MID2: variants seen among roughly 807,000 people sequenced by gnomAD.
MID2 encodes midline 2, also known as probable E3 ubiquitin-protein ligase MID2.
A neutral mutation model predicts 46.1 loss-of-function variants in MID2; 13 were observed. The ratio of observed to expected loss-of-function variants is 0.28; its 90% confidence interval spans 0.18 to 0.45. The LOEUF (loss-of-function observed/expected upper bound fraction) is 0.45. Among genes scored for constraint, MID2 ranks in the 20% least tolerant of loss-of-function variants. The probability of loss-of-function intolerance (pLI) is 1.00; values close to 1 mark genes in which losing one functional copy is unlikely to be tolerated. For missense variants in MID2, 431 were observed against 575.4 expected (o/e 0.75, Z 2.57); for synonymous variants, 199 against 212.3 (o/e 0.94, Z 0.55).
At position 107,904,000 on chromosome X, in the gene MID2, G is replaced by A. The variant is rs780785768; in HGVS notation, c.859G>A (p.Asp287Asn). 3 of 1,210,453 alleles carry A rather than the reference G, an allele frequency of 2.5e-6. No individual in the cohort carries two copies. Among genetic ancestry groups the A allele is most frequent in the Admixed American group, 2.2e-5 (1 of 46,017 alleles). Residue 287 changes from aspartate (D) to asparagine (N), a missense_variant, in exon 4 of 10, where the codon GAC becomes AAC. Asp to Asn is a conservative substitution (Grantham distance 23). Transcript: ENST00000262843. ...MHEAKLMEEC[D>N]ELVEIIQQRK... is the part of the protein sequence containing the mutation. ...TGAGGCAAAACTTATGGAAGAATGTGACGAGTTGGTAGAGATCATCCAGCA... is the reference window on the plus strand; with the variant it reads ...TGAGGCAAAACTTATGGAAGAATGTAACGAGTTGGTAGAGATCATCCAGCA...
intron 2 of MID2, among the ~76,000 whole-genome samples, chrX:107,851,853 CTTTTTATTTATTTATTTATT>C (rs1165345275): frequency 8.6e-5 from 7 of 81,528 alleles, no homozygotes; most frequent in African/African-American, 3.0e-4. Context: ...TTTCTTTATA[CTTTTTATTTATTTATTTATT>C]TATTTATTTA....
At chrX:107,827,948 T>C (rs1210508851) in intron 1 of MID2, among the ~76,000 whole-genome samples, 1 of 112,682 alleles carries the variant, frequency 8.9e-6, no homozygotes, top group Non-Finnish European at 1.9e-5. Context: ...CCAAATCTTA[T>C]GTACAAATGT....
chrX:107,826,507 G>C (rs1930950066), intron 1 of MID2, 77 bp downstream of exon 1: 1 of 1,059,641 alleles, frequency 9.4e-7, no homozygotes, highest in East Asian at 4.0e-5. Flanking sequence ...GGCTCCGGCC[G>C]CTTTTCAGGT....
intron 8 of MID2, among the ~76,000 whole-genome samples, chrX:107,925,469 T>C (rs1194451827): frequency 8.9e-6 from 1 of 112,140 alleles, no homozygotes; most frequent in East Asian, 2.8e-4. Context: ...CAATAAATGT[T>C]TTCTCTGATC....
intron 3 of MID2, among the ~76,000 whole-genome samples, chrX:107,869,988 G>A (rs1474780634): frequency 1.8e-5 from 2 of 111,196 alleles, no homozygotes; most frequent in Non-Finnish European, 3.8e-5. Context: ...TGTTCATAAT[G>A]TTACTGGAAA....
At position 107,838,145 on chromosome X, in the gene MID2, C is replaced by T. The variant is rs1157411374; in HGVS notation, c.5-2525C>T. ...TCTAGGCTTGGATGGTGATATTCAC[C>T]AGACAGGGAAAATCAGAAGAGGAGC... On this transcript the variant is annotated intron_variant, in intron 1 of 9. Coordinates refer to ENST00000262843, the MANE Select transcript of MID2 (RefSeq NM_012216.4). Among the ~76,000 whole-genome samples, 9 of 111,826 alleles carry T rather than the reference C, an allele frequency of 8.0e-5. No homozygotes were observed. In the Admixed American group the frequency reaches 8.5e-4, roughly 11 times the overall value.
chrX:107,832,962 G>A (rs2147821125), intron 1 of MID2, among the ~76,000 whole-genome samples: 1 of 111,271 alleles, frequency 9.0e-6, no homozygotes, highest in African/African-American at 3.3e-5. Context: ...ATTCCCATGG[G>A]ACTCTTCTCC....
At chrX:107,855,102 A>G (rs1481462203) in intron 3 of MID2, among the ~76,000 whole-genome samples, 1 of 110,859 alleles carries the variant, frequency 9.0e-6, no homozygotes, top group Admixed American at 9.6e-5. Context: ...ATTCAGCACA[A>G]TATTGTTTCT....
At chrX:107,924,593 A>G in intron 8 of MID2, 89 bp downstream of exon 8, 1 of 978,749 alleles carries the variant, frequency 1.0e-6, no homozygotes, top group Non-Finnish European at 1.4e-6. Context: ...ACAGCAGTGC[A>G]TGGGGAGCAG....
At chrX:107,890,904 G>T (rs1017449487) in intron 3 of MID2, among the ~76,000 whole-genome samples, 3 of 110,337 alleles carry the variant, frequency 2.7e-5, no homozygotes, top group African/African-American at 9.8e-5. Context: ...TGTGGGATTA[G>T]GTCCCTCTGA....
chrX:107,906,526 ATAACT>A (rs1174375007), intron 5 of MID2, among the ~76,000 whole-genome samples: 2 of 112,376 alleles, frequency 1.8e-5, no homozygotes, highest in African/African-American at 6.5e-5. Flanking sequence ...CACTGAAATC[ATAACT>A]TAAAACATGC....
chrX:107,897,342 A>G (rs1932754649), intron 3 of MID2, among the ~76,000 whole-genome samples: 1 of 111,645 alleles, frequency 9.0e-6, no homozygotes, highest in Non-Finnish European at 1.9e-5. Flanking sequence ...AGATTCCTTA[A>G]CTATGTCTCA....
intron 3 of MID2, among the ~76,000 whole-genome samples, chrX:107,867,095 T>C (rs755418108): frequency 1.8e-5 from 2 of 112,422 alleles, no homozygotes; most frequent in South Asian, 3.7e-4. Context: ...GGGAAGCCAA[T>C]TGAAATTTAG....
rs192619680 is a variant in MID2, at chrX:107,911,310, T to G, written c.1074-4692T>G. Among the ~76,000 whole-genome samples, 410 of 111,818 alleles carry G rather than the reference T, an allele frequency of 3.7e-3. 1 individual carries two copies. The highest frequency in any genetic ancestry group is 4.6e-3 in the Non-Finnish European group (246 of 53,148). ...TCTTCTTTGTTTATGGGACTTTGAT[T>G]AGTGAACTGTTGGACATCCTAGACT... On this transcript the variant is annotated intron_variant, in intron 5 of 9. Transcript: ENST00000262843.
At chrX:107,847,448 C>T (rs1199977395) in intron 2 of MID2, among the ~76,000 whole-genome samples, 4 of 111,283 alleles carry the variant, frequency 3.6e-5, no homozygotes, top group Admixed American at 1.9e-4. Flanking sequence ...AGGACCAAAC[C>T]GGAGAGAGTC....
chrX:107,898,074 G>A (rs755524414), intron 3 of MID2, among the ~76,000 whole-genome samples: 2 of 111,498 alleles, frequency 1.8e-5, no homozygotes, highest in South Asian at 3.8e-4. Context: ...ATGGGAAGTG[G>A]GAAGTTTGTT....
intron 3 of MID2, among the ~76,000 whole-genome samples, chrX:107,897,491 T>A (rs1400326478): frequency 2.7e-5 from 3 of 112,550 alleles, no homozygotes; most frequent in African/African-American, 6.5e-5. Flanking sequence ...CAATTTTTTT[T>A]AAATCCCTGC....
chrX:107,840,428 A>G (rs186429520), intron 1 of MID2, among the ~76,000 whole-genome samples: 1 of 112,318 alleles, frequency 8.9e-6, no homozygotes, highest in African/African-American at 3.2e-5. Flanking sequence ...TCAGTCTATC[A>G]GGATTCAGAG....
chrX:107,887,147 C>G (rs1011396154), intron 3 of MID2, among the ~76,000 whole-genome samples: 7 of 111,595 alleles, frequency 6.3e-5, no homozygotes, highest in African/African-American at 2.3e-4. Flanking sequence ...CTGGCCAGAA[C>G]TTCCAACACT....
Sources: gnomAD v4.1 joint callset for allele counts (sites outside exome capture counted in the v4.1 genomes callset) on GRCh38, gnomAD v4.1.1 for gene constraint, MANE v1.5 for transcripts, NCBI Gene and HGNC (gene_info 2026-07-23, HGNC 2026-07-21) for gene names.